The following LRRC17 variants were observed in gnomAD, a reference collection of about 807,000 sequenced individuals.
LRRC17 encodes leucine rich repeat containing 17.
In LRRC17, 33 loss-of-function variants were observed where a neutral mutation model predicts 41.5. The ratio of observed to expected loss-of-function variants is 0.80; its 90% CI spans 0.60 to 1.06. The LOEUF (loss-of-function observed/expected upper bound fraction) is 1.06. LRRC17 is among the 50% of genes least tolerant of loss of function. The pLI is 0.00. For synonymous variants in LRRC17, 192 were observed against 197.0 expected (o/e 0.97, Z 0.21); for missense variants, 491 against 519.3 (o/e 0.95, Z 0.53).
At chr7:102,932,597 T>G (rs1819427738) in intron 1 of LRRC17, among the ~76,000 whole-genome samples, 2 of 2,654 alleles carry the variant, frequency 7.5e-4, no homozygotes, top group Non-Finnish European at 2.9e-3. Flanking sequence ...GTTTGTTTCG[T>G]TTTTTTGAGA....
chr7:102,927,994 C>T (rs1438864354), intron 1 of LRRC17, among the ~76,000 whole-genome samples: 1 of 152,156 alleles, frequency 6.6e-6, no homozygotes, highest in Middle Eastern at 3.2e-3. Context: ...CACTTAAACA[C>T]CCTCAGAGAG....
At chr7:102,926,036 A>G (rs1204076942) in intron 1 of LRRC17, among the ~76,000 whole-genome samples, 1 of 152,116 alleles carries the variant, frequency 6.6e-6, no homozygotes, top group Non-Finnish European at 1.5e-5. Flanking sequence ...AGAAGCAGGC[A>G]AAGTCTAACT....
chr7:102,931,633 T>A (rs1313249942), intron 1 of LRRC17, among the ~76,000 whole-genome samples: 1 of 152,172 alleles, frequency 6.6e-6, no homozygotes, highest in Non-Finnish European at 1.5e-5. Flanking sequence ...TAAATATAAA[T>A]ACAGTTCATT....
At chr7:102,917,844 G>A (rs1158916718) in intron 1 of LRRC17, among the ~76,000 whole-genome samples, 1 of 152,184 alleles carries the variant, frequency 6.6e-6, no homozygotes, top group African/African-American at 2.4e-5. Context: ...CCTAGGTTGT[G>A]ACAATAGGAA....
chr7:102,913,304 A>T (rs1482564451), intron 1 of LRRC17, 159 bp downstream of exon 1: 2 of 1,507,794 alleles, frequency 1.3e-6, no homozygotes, highest in East Asian at 4.6e-5. Context: ...GAAAACTGTA[A>T]ATTCAACTCT....
chr7:102,927,182 T>C (rs1413073314), intron 1 of LRRC17, among the ~76,000 whole-genome samples: 1 of 152,182 alleles, frequency 6.6e-6, no homozygotes, highest in Non-Finnish European at 1.5e-5. Context: ...TTTGTATAGG[T>C]AACACTATAT....
At position 102,932,011 on chromosome 7, in the gene LRRC17, G is replaced by A. The variant is rs570291729; in HGVS notation, c.-140-1763G>A. ...AAAGTTTTTCTATCTTACATTGAAT[G>A]CAATGTATTCATTAGAAAACAAACA... On this transcript the variant is annotated intron_variant, in intron 1 of 3. Transcript: ENST00000339431. The A allele has an allele frequency of 2.2e-5, 28 of 1,259,570 alleles. No individual in the cohort carries two copies. In the South Asian group the frequency reaches 3.4e-4, roughly 15 times the overall value. 78.0% of individuals were successfully genotyped at this position (1,259,570 alleles called of 1,614,324 possible). A position where few individuals can be genotyped will look rare whatever the true frequency, so the allele number is the denominator to read the frequency against.
At chr7:102,931,799 A>G (rs745551995) in intron 1 of LRRC17, 8 of 1,291,066 alleles carry the variant, frequency 6.2e-6, no homozygotes, top group Admixed American at 4.2e-5. Flanking sequence ...ATAAGCACAC[A>G]AGCATCTATT....
rs184488524 is a variant in LRRC17, at chr7:102,922,768, C to G, written c.-141+9623C>G. On this transcript the variant is annotated intron_variant, in intron 1 of 3. Transcript: ENST00000339431. Reference sequence around the variant, plus strand: ...CGGGCGGATCACGAGGTCAGGAGATCGAGACCATCCTGGCTAACACAGTGA... The same window carrying G: ...CGGGCGGATCACGAGGTCAGGAGATGGAGACCATCCTGGCTAACACAGTGA... Among the ~76,000 whole-genome samples the G allele has an allele frequency of 1.4e-3, 208 of 151,864 alleles. 1 individual carries two copies. Among genetic ancestry groups the G allele is most frequent in the Non-Finnish European group, 2.4e-3 (160 of 67,932 alleles).
intron 1 of LRRC17, among the ~76,000 whole-genome samples, chr7:102,918,147 T>C (rs530721722): frequency 6.6e-6 from 1 of 152,196 alleles, no homozygotes; most frequent in Non-Finnish European, 1.5e-5. Context: ...GAGAACATTT[T>C]TGCATACCCA....
At chr7:102,925,959 A>AAAAAT (rs1818045817) in intron 1 of LRRC17, among the ~76,000 whole-genome samples, 1 of 137,680 alleles carries the variant, frequency 7.3e-6, no homozygotes, top group East Asian at 2.2e-4. Context: ...AAAAAAAAAA[A>AAAAAT]GGTCCCAGAC....
chr7:102,941,621 G>A (rs972494824), intron 3 of LRRC17, among the ~76,000 whole-genome samples: 3 of 151,864 alleles, frequency 2.0e-5, no homozygotes, highest in Admixed American at 6.6e-5. Context: ...ACAAACTAAA[G>A]AATCTCAGGA....
chr7:102,942,165 T>C (rs1217605109), intron 3 of LRRC17: 2 of 633,818 alleles, frequency 3.2e-6, no homozygotes, highest in Non-Finnish European at 5.6e-6. Context: ...AAATATTTAC[T>C]GAGCACCTAC....
rs745547255 is a variant in LRRC17, at chr7:102,944,492, A to T, written c.1211A>T (p.Lys404Met). Reference protein sequence around the residue: ...RSYYEECPKDKLPAYPESFDQ... With the variant: ...RSYYEECPKDMLPAYPESFDQ... ...TACTATGAAGAATGCCCCAAAGACAAGTTACCAGCATATCCTGAGTCATTT... is the reference window on the plus strand; with the variant it reads ...TACTATGAAGAATGCCCCAAAGACATGTTACCAGCATATCCTGAGTCATTT... The change falls in exon 4 of 4, where the codon AAG becomes ATG. Residue 404 changes from lysine (K) to methionine (M), a missense_variant. By Grantham distance (95) the Lys-to-Met change is moderately conservative. Coordinates refer to ENST00000339431, the MANE Select transcript of LRRC17 (RefSeq NM_001031692.3). 6.2e-7 allele frequency: 1 copy of T among 1,614,138 alleles called. No homozygotes were observed. The highest frequency in any genetic ancestry group is 1.1e-5 in the South Asian group (1 of 91,080).
intron 1 of LRRC17, among the ~76,000 whole-genome samples, chr7:102,928,234 C>G (rs533991364): frequency 6.6e-6 from 1 of 152,238 alleles, no homozygotes; most frequent in Non-Finnish European, 1.5e-5. Context: ...GCTTGAACAT[C>G]CAAACAAATT....
rs188477477 is a variant in LRRC17 at position 102,936,942 on chromosome 7, C to G, written c.772+2257C>G. Among the ~76,000 whole-genome samples the G allele has an allele frequency of 3.9e-5, 6 of 151,922 alleles. No individual in the cohort carries two copies. In the East Asian group the frequency reaches 1.2e-3, roughly 29 times the overall value. Reference sequence around the variant, plus strand: ...TTTTTTCCTTTTTTCCCATATTTTTCTCTTGAAAAACATCAGCTTATAAAA... The same window carrying G: ...TTTTTTCCTTTTTTCCCATATTTTTGTCTTGAAAAACATCAGCTTATAAAA... On this transcript the variant is annotated intron_variant, in intron 2 of 3. Coordinates refer to ENST00000339431, the MANE Select transcript of LRRC17 (RefSeq NM_001031692.3).
At chr7:102,924,265 A>G (rs1817640300) in intron 1 of LRRC17, among the ~76,000 whole-genome samples, 1 of 151,718 alleles carries the variant, frequency 6.6e-6, no homozygotes, top group African/African-American at 2.4e-5. Context: ...AAGTAAAACT[A>G]TGCTTAGCTT....
chr7:102,937,856 C>T (rs1820629784), intron 2 of LRRC17, among the ~76,000 whole-genome samples: 1 of 152,080 alleles, frequency 6.6e-6, no homozygotes, highest in African/African-American at 2.4e-5. Context: ...ACAAGTATAC[C>T]ACATATACAT....
Position 102,935,141 on chromosome 7 carries a change from C to A in LRRC17, c.772+456C>A, listed in dbSNP as rs10235663. Among the ~76,000 whole-genome samples the A allele has an allele frequency of 3.7e-3, 566 of 151,418 alleles. 5 individuals are homozygous for A. Among genetic ancestry groups the A allele is most frequent in the African/African-American group, 0.014 (559 of 41,144 alleles). On this transcript the variant is annotated intron_variant, in intron 2 of 3. Transcript: ENST00000339431. ...TGCAGGACAGGACTGTGAGAGCACT[C>A]TGAGACAGAGTGAAAGTGATGGCCC...
Sources: allele counts gnomAD v4.1 joint callset (sites outside exome capture counted in the v4.1 genomes callset), GRCh38; gene constraint gnomAD v4.1.1; transcripts MANE v1.5; gene names NCBI Gene and HGNC (gene_info 2026-07-23, HGNC 2026-07-21).